STK24: variants seen among roughly 807,000 people sequenced by gnomAD.
STK24 encodes the protein serine/threonine kinase 24, also known as serine/threonine-protein kinase 24.
Under a neutral mutation model 55.6 loss-of-function variants are expected in STK24, and 21 were observed. The ratio of observed to expected loss-of-function variants is 0.38; its 90% CI spans 0.27 to 0.54. The LOEUF (loss-of-function observed/expected upper bound fraction) is 0.54, where lower values mean the gene tolerates loss of function less well. Ranked by LOEUF, STK24 falls within the 20% of genes least tolerant of loss-of-function variation. STK24 has a pLI of 0.79. For missense variants in STK24, 383 were observed against 538.4 expected (o/e 0.71, Z 2.86); for synonymous variants, 200 against 215.2 (o/e 0.93, Z 0.62).
At chr13:98,461,608 A>G (rs1893706047) in intron 8 of STK24, among the ~76,000 whole-genome samples, 166 bp downstream of exon 8, 1 of 152,204 alleles carries the variant, frequency 6.6e-6, no homozygotes, top group Non-Finnish European at 1.5e-5. Context: ...CACCTGGATC[A>G]TCAGACAGAA....
chr13:98,525,688 C>T (rs1343783939), intron 1 of STK24, among the ~76,000 whole-genome samples: 4 of 152,170 alleles, frequency 2.6e-5, no homozygotes, highest in Admixed American at 6.5e-5. Context: ...CCGAGCTCAC[C>T]GAGCCTCGAG....
intron 2 of STK24, among the ~76,000 whole-genome samples, chr13:98,491,137 T>C (rs1895014392): frequency 6.6e-6 from 1 of 152,140 alleles, no homozygotes; most frequent in African/African-American, 2.4e-5. Flanking sequence ...TCCCGTGAGC[T>C]GGGGGTACAG....
chr13:98,474,594 G>A (rs76243154), intron 5 of STK24, among the ~76,000 whole-genome samples: 52 of 152,178 alleles, frequency 3.4e-4, no homozygotes, highest in Non-Finnish European at 5.6e-4. Flanking sequence ...AACATAGCCT[G>A]AGTTAAAAAC....
intron 1 of STK24, among the ~76,000 whole-genome samples, chr13:98,527,029 G>A (rs1227157688): frequency 2.0e-5 from 3 of 152,202 alleles, no homozygotes; most frequent in East Asian, 1.9e-4. Context: ...GACATATATC[G>A]ATACACACTC....
chr13:98,491,855 T>G (rs148626503), intron 2 of STK24, among the ~76,000 whole-genome samples: 33 of 151,876 alleles, frequency 2.2e-4, no homozygotes, highest in African/African-American at 7.7e-4. Flanking sequence ...AAGGAAAAAA[T>G]AGATCACATA....
At chr13:98,463,300 C>T (rs936283638) in intron 7 of STK24, among the ~76,000 whole-genome samples, 3 of 152,170 alleles carry the variant, frequency 2.0e-5, no homozygotes, top group Admixed American at 6.5e-5. Context: ...AAGCTTCTAC[C>T]AGACACAATA....
chr13:98,452,319 G>A lies in STK24; in HGVS notation c.*854C>T, dbSNP rs768518318. On this transcript the variant is annotated 3_prime_UTR_variant, in exon 11 of 11. Transcript: ENST00000539966. ...GCACGATTCCAAACAAATGTCAGAC[G>A]AGAGCGCTTCATGGGGAGAAACTGA... 6.6e-6 allele frequency: 1 copy of A among 152,478 alleles called. No individual in the cohort carries two copies. The allele number at this position is 152,478 out of a possible 1,614,324, so 9.4% of individuals were successfully genotyped here.
At chr13:98,501,809 C>A (rs753475604) in intron 2 of STK24, among the ~76,000 whole-genome samples, 3 of 152,196 alleles carry the variant, frequency 2.0e-5, no homozygotes, top group Non-Finnish European at 4.4e-5. Flanking sequence ...TGTCTGCTCT[C>A]CGACACGGCC....
rs567382198 is a variant in STK24, at chr13:98,445,875, CAG to C, written c.*7296_*7297del. On this transcript the variant is annotated 3_prime_UTR_variant, in exon 11 of 11. Transcript: ENST00000539966. ...CCTCAACGTGTCTTTTGGGGGGACA[CAG>C]GGACCCCAAGATGCCCCACAGCAAG... is the stretch of plus-strand genomic sequence containing the variant. 170 of 504,504 alleles carry C rather than the reference CAG, an allele frequency of 3.4e-4. 1 individual carries two copies. Among genetic ancestry groups the C allele is most frequent in the African/African-American group, 2.8e-3 (143 of 51,010 alleles). 31.3% of individuals were successfully genotyped at this position (504,504 alleles called of 1,614,324 possible).
chr13:98,483,950 G>A (rs561615834), intron 2 of STK24, among the ~76,000 whole-genome samples: 23 of 152,340 alleles, frequency 1.5e-4, no homozygotes, highest in African/African-American at 4.3e-4. Flanking sequence ...CTTTTCAAGC[G>A]TTTAAATGCC....
intron 10 of STK24, chr13:98,455,504 G>GCC (rs1204188853): frequency 6.6e-6 from 1 of 152,294 alleles, no homozygotes; most frequent in Non-Finnish European, 1.5e-5. Context: ...GCCTCCCAAA[G>GCC]CATTGGGATT....
intron 10 of STK24, chr13:98,454,363 T>C (rs1472243286): frequency 6.6e-6 from 1 of 152,146 alleles, no homozygotes; most frequent in African/African-American, 2.4e-5. Context: ...AGACTCCAAA[T>C]CACAGGTCCA....
At chr13:98,549,720 A>C (rs1394259880) in intron 1 of STK24, among the ~76,000 whole-genome samples, 2 of 152,232 alleles carry the variant, frequency 1.3e-5, no homozygotes, top group Admixed American at 6.5e-5. Context: ...CTGCAGAACC[A>C]TAAGCCAACT....
intron 1 of STK24, among the ~76,000 whole-genome samples, chr13:98,575,767 C>T (rs1897874258): frequency 6.6e-6 from 1 of 152,132 alleles, no homozygotes; most frequent in Non-Finnish European, 1.5e-5. Context: ...ATGACATATC[C>T]TAACTGCATC....
chr13:98,519,591 C>G, intron 1 of STK24, 118 bp from the exon 2 acceptor site: 1 of 814,856 alleles, frequency 1.2e-6, no homozygotes. Flanking sequence ...CATCTATTTT[C>G]TGTGTCCAGC....
chr13:98,560,837 C>T (rs571196138), intron 1 of STK24, among the ~76,000 whole-genome samples: 1 of 151,628 alleles, frequency 6.6e-6, no homozygotes, highest in Admixed American at 6.6e-5. Context: ...GCCGAGATCA[C>T]GCCACTGCAC....
chr13:98,450,187 CAAT>C lies in STK24; in HGVS notation c.*2983_*2985del, dbSNP rs1203406969. 1.3e-5 allele frequency: 2 copies of C among 151,742 alleles called. No individual in the cohort carries two copies. The highest frequency in any genetic ancestry group is 6.6e-5 in the Admixed American group (1 of 15,218). The allele number at this position is 151,742 out of a possible 1,614,324, so 9.4% of individuals were successfully genotyped here. On this transcript the variant is annotated 3_prime_UTR_variant, in exon 11 of 11. Coordinates refer to ENST00000539966, the MANE Select transcript of STK24 (RefSeq NM_001032296.4). ...TGAGACACACTACACATGAGACACACAATGATGCAGATACTCGTTTTCTTGAGC... is the reference window on the plus strand; with the variant it reads ...TGAGACACACTACACATGAGACACACGATGCAGATACTCGTTTTCTTGAGC...
At chr13:98,547,012 A>C (rs2139429058) in intron 1 of STK24, among the ~76,000 whole-genome samples, 1 of 152,266 alleles carries the variant, frequency 6.6e-6, no homozygotes, top group East Asian at 1.9e-4. Flanking sequence ...CCCAGGTTCA[A>C]GCAATTCTCC....
chr13:98,492,587 G>C (rs1895083801), intron 2 of STK24, among the ~76,000 whole-genome samples: 1 of 152,214 alleles, frequency 6.6e-6, no homozygotes, highest in East Asian at 1.9e-4. Context: ...CTTGAGCTGG[G>C]AAAGCAGGAA....
Sources: allele counts gnomAD v4.1 joint callset (sites outside exome capture counted in the v4.1 genomes callset), GRCh38; gene constraint gnomAD v4.1.1; transcripts MANE v1.5; gene names NCBI Gene and HGNC (gene_info 2026-07-23, HGNC 2026-07-21).